Variants in SCML4 observed in about 807,000 individuals in gnomAD.
The protein encoded by SCML4 is Scm polycomb group protein like 4, also known as sex comb on midleg-like protein 4.
A neutral mutation model predicts 41.1 loss-of-function variants in SCML4; 34 were observed. That is an observed-to-expected ratio of 0.83 (90% CI 0.63 to 1.10). SCML4 has a LOEUF of 1.10. Among genes scored for constraint, SCML4 ranks in the 50% least tolerant of loss-of-function variants. The pLI is 0.00. For missense variants in SCML4, 522 were observed against 534.1 expected, an observed-to-expected ratio of 0.98 and a Z score of 0.22; for synonymous variants, 214 against 220.9, an observed-to-expected ratio of 0.97 and a Z score of 0.28.
At chr6:107,824,780 A>C (rs1278594632), upstream of SCML4, among the ~76,000 whole-genome samples, 1 of 152,156 alleles carries the variant, frequency 6.6e-6, no homozygotes, top group East Asian at 1.9e-4. Flanking sequence ...CTTATAAGAC[A>C]CTGGTGATCT....
intron 5 of SCML4, among the ~76,000 whole-genome samples, chr6:107,729,513 T>C (rs1392080361): frequency 6.6e-6 from 1 of 152,228 alleles, no homozygotes; most frequent in Admixed American, 6.5e-5. Context: ...TAAGATCCCA[T>C]TTCCAAAAAG....
chr6:107,727,065 T>C (rs982167367), intron 5 of SCML4, among the ~76,000 whole-genome samples: 4 of 152,220 alleles, frequency 2.6e-5, no homozygotes, highest in Admixed American at 2.6e-4. Flanking sequence ...CAAAATATTA[T>C]TTGTCCATAA....
At position 107,717,038 on chromosome 6, in the gene SCML4, G is replaced by A. The variant is rs1351316919; in HGVS notation, c.973+3665C>T. Among the ~76,000 whole-genome samples, 6 of 150,946 alleles carry A rather than the reference G, an allele frequency of 4.0e-5. No individual in the cohort carries two copies. The South Asian group carries it at 1.3e-3, about 32-fold the overall frequency. On this transcript the variant is annotated intron_variant, in intron 6 of 7. Coordinates refer to ENST00000369020, the MANE Select transcript of SCML4 (RefSeq NM_198081.5). Reference sequence around the variant, plus strand: ...CTTTCGGCTGGGCGGGGTGGCTCACGCCTGTGGTCCCAGCACTTTGGGAGG... The same window carrying A: ...CTTTCGGCTGGGCGGGGTGGCTCACACCTGTGGTCCCAGCACTTTGGGAGG...
upstream of SCML4, among the ~76,000 whole-genome samples, chr6:107,827,510 A>G (rs557641770): frequency 3.7e-4 from 57 of 152,196 alleles, no homozygotes; most frequent in African/African-American, 1.3e-3. Flanking sequence ...TTCCAAGAAA[A>G]ATTTAAGTTA....
At chr6:107,769,691 T>C (rs1780361742) in intron 2 of SCML4, among the ~76,000 whole-genome samples, 1 of 152,180 alleles carries the variant, frequency 6.6e-6, no homozygotes, top group Non-Finnish European at 1.5e-5. Flanking sequence ...TTATGTTATA[T>C]CTTATTTTAT....
chr6:107,735,990 A>C (rs1024585594), intron 5 of SCML4, among the ~76,000 whole-genome samples: 1 of 152,094 alleles, frequency 6.6e-6, no homozygotes, highest in Non-Finnish European at 1.5e-5. Flanking sequence ...ATCATTCCAC[A>C]TATTAATTCA....
Position 107,740,589 on chromosome 6 carries a change from T to C in SCML4, c.682+4360A>G, listed in dbSNP as rs114348794. Among the ~76,000 whole-genome samples the C allele has an allele frequency of 8.0e-3, 1,213 of 152,212 alleles. 17 individuals carry two copies. Among genetic ancestry groups the C allele is most frequent in the African/African-American group, 0.028 (1,149 of 41,524 alleles). ...ACCAGATGTGGGCCATCAGAAGACATAGATCTGCAGCAGGATCATCTTAGA... is the reference window on the plus strand; with the variant it reads ...ACCAGATGTGGGCCATCAGAAGACACAGATCTGCAGCAGGATCATCTTAGA... On this transcript the variant is annotated intron_variant, in intron 5 of 7. Coordinates refer to ENST00000369020, the MANE Select transcript of SCML4 (RefSeq NM_198081.5).
chr6:107,815,966 C>T (rs1361225922), intron 1 of SCML4, among the ~76,000 whole-genome samples: 1 of 152,198 alleles, frequency 6.6e-6, no homozygotes, highest in Non-Finnish European at 1.5e-5. Flanking sequence ...CCTGCCGGAC[C>T]TGCAGCAGCC....
At chr6:107,751,590 C>A (rs1224432374) in intron 2 of SCML4, among the ~76,000 whole-genome samples, 13 of 128,526 alleles carry the variant, frequency 1.0e-4, no homozygotes, top group African/African-American at 4.0e-4. Context: ...TTCTTTCTTT[C>A]TTTCTTTCTT....
chr6:107,757,458 A>G (rs932144237), intron 2 of SCML4, among the ~76,000 whole-genome samples: 20 of 152,124 alleles, frequency 1.3e-4, no homozygotes, highest in East Asian at 1.9e-4. Context: ...AAGGATGAGG[A>G]TGTATAGAGG....
At chr6:107,834,481 T>C in the SCML4 span, among the ~76,000 whole-genome samples, 1 of 152,200 alleles carries the variant, frequency 6.6e-6, no homozygotes, top group African/African-American at 2.4e-5. Context: ...TCTGGGAAAC[T>C]GACCAGCCCA....
chr6:107,748,828 T>G (rs926375634), intron 3 of SCML4, among the ~76,000 whole-genome samples: 4 of 151,956 alleles, frequency 2.6e-5, no homozygotes, highest in Non-Finnish European at 5.9e-5. Flanking sequence ...GGCAGGAAAG[T>G]TCGTGAGGAC....
At chr6:107,708,234 G>A (rs1372981497) in intron 6 of SCML4, among the ~76,000 whole-genome samples, 2 of 152,168 alleles carry the variant, frequency 1.3e-5, no homozygotes, top group African/African-American at 4.8e-5. Flanking sequence ...CCCTCCCCAT[G>A]TATGCCAAAG....
the SCML4 span, among the ~76,000 whole-genome samples, chr6:107,840,936 C>T: frequency 3.9e-5 from 6 of 151,998 alleles, no homozygotes; most frequent in African/African-American, 1.2e-4. Flanking sequence ...GTGGGAGTAA[C>T]GTTAACTCCT....
chr6:107,727,352 A>G (rs1776089004), intron 5 of SCML4, among the ~76,000 whole-genome samples: 1 of 152,240 alleles, frequency 6.6e-6, no homozygotes, highest in African/African-American at 2.4e-5. Flanking sequence ...GCGCATATCT[A>G]TATACTAAAA....
the SCML4 span, among the ~76,000 whole-genome samples, chr6:107,829,632 T>C: frequency 9.2e-5 from 14 of 152,224 alleles, no homozygotes; most frequent in Admixed American, 2.6e-4. Flanking sequence ...AAATACCTAA[T>C]GCGTGCGGGG....
chr6:107,836,002 AT>A, the SCML4 span, among the ~76,000 whole-genome samples: 1 of 152,050 alleles, frequency 6.6e-6, no homozygotes, highest in Non-Finnish European at 1.5e-5. Context: ...TTGTGGTTGT[AT>A]TTCGATGTCT....
intron 5 of SCML4, among the ~76,000 whole-genome samples, chr6:107,734,952 A>G (rs1299874760): frequency 6.6e-6 from 1 of 152,098 alleles, no homozygotes; most frequent in African/African-American, 2.4e-5. Flanking sequence ...CTCAGCTCAC[A>G]GCAACCTCCA....
chr6:107,707,316 A>G (rs1375317142), intron 7 of SCML4, among the ~76,000 whole-genome samples: 4 of 152,126 alleles, frequency 2.6e-5, no homozygotes, highest in African/African-American at 7.2e-5. Context: ...TCAAACAAAA[A>G]CAAACAAAAA....
Sources: allele counts gnomAD v4.1 joint callset (sites outside exome capture counted in the v4.1 genomes callset), GRCh38; gene constraint gnomAD v4.1.1; transcripts MANE v1.5; gene names NCBI Gene and HGNC (gene_info 2026-07-23, HGNC 2026-07-21).